PHLDB1: variants seen among roughly 807,000 people sequenced by gnomAD.
The protein encoded by PHLDB1 is pleckstrin homology-like domain family B member 1.
PHLDB1 carries 65 observed loss-of-function variants against 139.3 expected under a neutral mutation model. That is an observed-to-expected ratio of 0.47 (90% confidence interval 0.38 to 0.57). The LOEUF is 0.57. PHLDB1 is among the 20% of genes least tolerant of loss of function. The pLI, the probability that PHLDB1 is intolerant of heterozygous loss-of-function variation, is 0.00. For synonymous variants in PHLDB1, 679 were observed against 734.5 expected (o/e 0.92, Z 1.22); for missense variants, 1,624 against 1,839.7 (o/e 0.88, Z 2.14).
chr11:118,611,042 T>A lies in PHLDB1; in HGVS notation c.-21-2774T>A, dbSNP rs1207804699. Among the ~76,000 whole-genome samples the A allele has an allele frequency of 6.6e-5, 10 of 152,200 alleles. No homozygotes were observed. The highest frequency in any genetic ancestry group is 2.4e-4 in the African/African-American group (10 of 41,546). On this transcript the variant is annotated intron_variant, in intron 1 of 22. Transcript: ENST00000600882. This position sits in a 1 kb window ranked among gnomAD's most constrained non-coding sequence, Gnocchi z 4.7. ...GGGCGGGCGGGTAATGACAGCCGGG[T>A]TGCTGGGGAGCCGCGGGCCAGATGG...
At chr11:118,627,205 G>T (rs1555102276) in intron 5 of PHLDB1, 100 bp from the exon 6 acceptor site, 8 of 1,206,518 alleles carry the variant, frequency 6.6e-6, no homozygotes, top group Non-Finnish European at 9.5e-6. Flanking sequence ...CTTCTCCAGA[G>T]CCTTGTTAGC....
At chr11:118,630,018 C>T (rs970686701) in intron 6 of PHLDB1, 8 of 1,279,974 alleles carry the variant, frequency 6.3e-6, no homozygotes, top group Non-Finnish European at 8.1e-6. Flanking sequence ...GGTGCCGAGG[C>T]TCTGTTCCGG....
chr11:118,631,202 C>T lies in PHLDB1; in HGVS notation c.1828-5C>T. On this transcript the variant is annotated splice_polypyrimidine_tract_variant and splice_region_variant and intron_variant, in intron 6 of 22. Transcript: ENST00000600882. ...TTCATGTCCTGCTCTGTCCATCCTC[C>T]CCAGGAACGCCAGCGCCTGGAGACC... is the stretch of plus-strand genomic sequence containing the variant. 7.0e-7 allele frequency: 1 copy of T among 1,424,338 alleles called. No individual in the cohort carries two copies. The highest frequency in any genetic ancestry group is 2.7e-5 in the East Asian group (1 of 37,030). 88.2% of individuals were successfully genotyped at this position (1,424,338 alleles called of 1,614,324 possible).
At chr11:118,636,760 C>T (rs11216937) in intron 10 of PHLDB1, 28,741 of 152,122 alleles carry the variant, frequency 0.19, 3,099 homozygotes, top group South Asian at 0.36. Flanking sequence ...AGGCTAGGGG[C>T]GGGCACTTCT....
intron 17 of PHLDB1, chr11:118,646,887 T>G (rs1256260323): frequency 6.6e-6 from 1 of 152,208 alleles, no homozygotes; most frequent in African/African-American, 2.4e-5. Flanking sequence ...ATCTTATTTA[T>G]GTCTGAATAT....
chr11:118,618,558 G>T (rs925374794), intron 4 of PHLDB1, among the ~76,000 whole-genome samples: 4 of 152,094 alleles, frequency 2.6e-5, no homozygotes, highest in African/African-American at 9.7e-5. Context: ...CTTTCCTTGT[G>T]TTTATCGATC....
rs782436136 is a variant in PHLDB1 at position 118,628,263 on chromosome 11, C to T, written c.1440C>T (p.Pro480=). 2 of 1,614,110 alleles carry T rather than the reference C, an allele frequency of 1.2e-6. No homozygotes were observed. The highest frequency in any genetic ancestry group is 4.5e-5 in the East Asian group (2 of 44,870). ...SPLPTRTTPD[P]KLNREVAESP... is the part of the protein sequence containing the mutation. The stretch of plus-strand genomic sequence containing the variant: ...TGCCCACCCGGACCACCCCAGATCC[C>T]AAGCTAAACAGGGAAGTGGCAGAGA... Residue 480 remains proline (P), a synonymous_variant, in exon 6 of 23, where the codon CCC becomes CCT. Coordinates refer to ENST00000600882, the MANE Select transcript of PHLDB1 (RefSeq NM_001144758.3).
chr11:118,606,874 C>T (rs1353212401), upstream of PHLDB1, among the ~76,000 whole-genome samples: 1 of 152,180 alleles, frequency 6.6e-6, no homozygotes, highest in Non-Finnish European at 1.5e-5. Context: ...TCCAGCAAGT[C>T]TGTCGGGGTG....
At position 118,645,736 on chromosome 11, in the gene PHLDB1, G is replaced by A. The variant is rs137998974; in HGVS notation, c.3418G>A (p.Ala1140Thr). Residue 1140 changes from alanine (A) to threonine (T), a missense_variant and splice_region_variant, in exon 17 of 23, where the codon GCG becomes ACG. Ala to Thr is a moderately conservative substitution (Grantham distance 58). Transcript: ENST00000600882. The surrounding 1 kb of genome is among the most constrained non-coding windows in gnomAD (Gnocchi z 5.1). ...SACSPDNMSS[A>T]SGLDMGKIEE... Reference sequence around the variant, plus strand: ...TTCCTCTTCCCCTTCTCTCCCCAGCGCGAGTGGTCTGGACATGGGGAAGAT... The same window carrying A: ...TTCCTCTTCCCCTTCTCTCCCCAGCACGAGTGGTCTGGACATGGGGAAGAT... The A allele has an allele frequency of 3.9e-5, 63 of 1,613,300 alleles. No individual in the cohort carries two copies. The highest frequency in any genetic ancestry group is 1.7e-4 in the Middle Eastern group (1 of 6,060).
rs187652364 is a variant in PHLDB1, at chr11:118,618,664, A to G, written c.355+2453A>G. Among the ~76,000 whole-genome samples the G allele has an allele frequency of 3.3e-5, 5 of 152,026 alleles. No homozygotes were observed. The East Asian group carries it at 9.7e-4, about 30-fold the overall frequency. On this transcript the variant is annotated intron_variant, in intron 4 of 22. Transcript: ENST00000600882. ...ATGTGTATATGAGACCCCACTAGTC[A>G]TATGCCTATCTGTGAGCATATATAC... is the stretch of plus-strand genomic sequence containing the variant.
chr11:118,649,713 CAG>C (rs1948086827), intron 18 of PHLDB1, among the ~76,000 whole-genome samples: 1 of 152,092 alleles, frequency 6.6e-6, no homozygotes, highest in African/African-American at 2.4e-5. Flanking sequence ...CATGCGAAGT[CAG>C]AAACTAGATT....
intron 4 of PHLDB1, chr11:118,621,435 G>A (rs1942763907): frequency 6.6e-6 from 1 of 152,204 alleles, no homozygotes. Flanking sequence ...CCTAGAGCCG[G>A]CAGCTCGGGA....
chr11:118,627,380 A>G lies in PHLDB1; in HGVS notation c.557A>G (p.His186Arg). Residue 186 changes from histidine (H) to arginine (R), a missense_variant, in exon 6 of 23, where the codon CAC (histidine) becomes CGC (arginine). Coordinates refer to ENST00000600882, the MANE Select transcript of PHLDB1 (RefSeq NM_001144758.3). ...CGGGGACCCTCTGCCTGTGCCAGCC[A>G]CAGTTCCCTGGTGAGCTCTATTGAG... is the stretch of plus-strand genomic sequence containing the variant. ...ATRGPSACAS[H>R]SSLVSSIEKD... 6.2e-7 allele frequency: 1 copy of G among 1,614,136 alleles called. No individual in the cohort carries two copies. Among genetic ancestry groups the G allele is most frequent in the South Asian group, 1.1e-5 (1 of 91,074 alleles).
At chr11:118,621,460 C>T (rs1417134366) in intron 4 of PHLDB1, 2 of 152,222 alleles carry the variant, frequency 1.3e-5, no homozygotes, top group African/African-American at 2.4e-5. Flanking sequence ...GGCCCGCCCC[C>T]TCAAAGGCTC....
At chr11:118,619,535 C>G (rs138053476) in intron 4 of PHLDB1, among the ~76,000 whole-genome samples, 19 of 152,320 alleles carry the variant, frequency 1.2e-4, no homozygotes, top group African/African-American at 3.9e-4. Context: ...CAGAGCAAGG[C>G]TCCCAGCTTC....
At chr11:118,644,383 GC>G in intron 15 of PHLDB1, 1 of 578,742 alleles carries the variant, frequency 1.7e-6, no homozygotes, top group Admixed American at 3.0e-5. Context: ...GGCTTAGGGG[GC>G]TGTGACATCT....
chr11:118,649,980 T>G (rs1555134309), intron 18 of PHLDB1, 97 bp from the exon 19 acceptor site: 7 of 871,828 alleles, frequency 8.0e-6, no homozygotes, highest in Non-Finnish European at 1.4e-5. Flanking sequence ...AGGTGTGATG[T>G]CAGGCTGTTG....
chr11:118,649,348 G>T (rs1322549431), intron 18 of PHLDB1, among the ~76,000 whole-genome samples: 1 of 152,052 alleles, frequency 6.6e-6, no homozygotes, highest in Admixed American at 6.6e-5. Flanking sequence ...TTTGTAAAAT[G>T]CTTGGCTTCC....
rs1940266151 is a variant in PHLDB1 at position 118,611,369 on chromosome 11, C to T, written c.-21-2447C>T. 6.6e-6 allele frequency among the ~76,000 whole-genome samples: 1 copy of T among 152,214 alleles called. No individual in the cohort carries two copies. Among genetic ancestry groups the T allele is most frequent in the African/African-American group, 2.4e-5 (1 of 41,456 alleles). ...CTTTCGCCTCCTTATTCTCTTCTCT[C>T]CTCTAATCACTCTTGTTCTCCATCG... is the stretch of plus-strand genomic sequence containing the variant. On this transcript the variant is annotated intron_variant, in intron 1 of 22. Coordinates refer to ENST00000600882, the MANE Select transcript of PHLDB1 (RefSeq NM_001144758.3). The surrounding 1 kb of genome is among the most constrained non-coding windows in gnomAD (Gnocchi z 4.7).
Sources: allele counts gnomAD v4.1 joint callset (sites outside exome capture counted in the v4.1 genomes callset), GRCh38; gene constraint gnomAD v4.1.1; non-coding constraint Gnocchi (gnomAD v3.1); transcripts MANE v1.5; gene names NCBI Gene and HGNC (gene_info 2026-07-23, HGNC 2026-07-21).